Variants in TAF8 observed in about 807,000 individuals in gnomAD.
TAF8 encodes TATA-box binding protein associated factor 8.
TAF8 carries 47 observed loss-of-function variants against 36.5 expected under a neutral mutation model. The ratio of observed to expected loss-of-function variants is 1.29; its 90% confidence interval spans 1.02 to 1.64. TAF8 has a LOEUF of 1.64. TAF8 is among the 40% of genes most tolerant of loss of function. The probability of loss-of-function intolerance (pLI) is 0.00; values close to 1 mark genes in which losing one functional copy is unlikely to be tolerated. For missense variants in TAF8, 420 were observed against 407.6 expected (o/e 1.03, Z -0.26); for synonymous variants, 175 against 159.5 (o/e 1.10, Z -0.73).
intron 5 of TAF8, among the ~76,000 whole-genome samples, chr6:42,060,434 A>G (rs192852341): frequency 1.3e-5 from 2 of 152,312 alleles, no homozygotes; most frequent in African/African-American, 4.8e-5. Flanking sequence ...GACTTTTTAA[A>G]TTGGCTTTGA....
chr6:42,068,345 G>T, intron 6 of TAF8, 120 bp from the exon 7 acceptor site: 1 of 1,075,350 alleles, frequency 9.3e-7, no homozygotes, highest in Admixed American at 1.9e-5. Flanking sequence ...AGTACTTGGA[G>T]CGAGTTAGCT....
chr6:42,050,805 G>A, intron 1 of TAF8: 2 of 926,650 alleles, frequency 2.2e-6, no homozygotes, highest in Non-Finnish European at 3.0e-6. Flanking sequence ...GCTGTTGGGG[G>A]TTGGGAGCCC....
chr6:42,057,012 A>C (rs977947798), intron 4 of TAF8, among the ~76,000 whole-genome samples: 10 of 152,210 alleles, frequency 6.6e-5, no homozygotes, highest in Admixed American at 5.2e-4. Context: ...TGTTATGATT[A>C]AGCTCACACT....
intron 7 of TAF8, 68 bp from the exon 8 acceptor site, chr6:42,077,032 C>T: frequency 6.6e-7 from 1 of 1,526,202 alleles, no homozygotes; most frequent in Non-Finnish European, 8.8e-7. Flanking sequence ...AATGGTCATT[C>T]CAATTATAGG....
At position 42,051,012 on chromosome 6, in the gene TAF8, A is replaced by G. The variant is rs1027940276; in HGVS notation, c.46-345A>G. ...ATGAAATGGTGTGAAGATGGGAGGC[A>G]CAAGAGAGGGATCCTGTTTTTTCTG... On this transcript the variant is annotated intron_variant, in intron 1 of 8. Transcript: ENST00000372977. The G allele has an allele frequency of 5.5e-6, 6 of 1,084,040 alleles. No homozygotes were observed. The African/African-American group carries it at 9.9e-5, about 18-fold the overall frequency. 67.2% of individuals were successfully genotyped at this position (1,084,040 alleles called of 1,614,324 possible).
intron 5 of TAF8, among the ~76,000 whole-genome samples, chr6:42,062,699 G>A (rs1424076478): frequency 1.3e-5 from 2 of 151,244 alleles, no homozygotes; most frequent in African/African-American, 4.9e-5. Flanking sequence ...CACCAAGCCT[G>A]GCTAATTTTT....
At position 42,077,544 on chromosome 6, in the gene TAF8, G is replaced by C; in HGVS notation, c.932G>C (p.Ter311SerextTer28). 6.2e-7 allele frequency: 1 copy of C among 1,612,972 alleles called. No individual in the cohort carries two copies. The highest frequency in any genetic ancestry group is 1.3e-5 in the African/African-American group (1 of 75,010). The change falls in exon 9 of 9, where the codon TGA becomes TCA. Residue 311 changes from the stop codon to serine (S), a stop_lost. Coordinates refer to ENST00000372977, the MANE Select transcript of TAF8 (RefSeq NM_138572.3). ...PKIRRKKSLS[*>S] is the part of the protein sequence containing the mutation. ...CCTCTTCTTTCTAGGTCCCTCTCCT[G>C]AGCTGAGAAGGAAACCTGGCTTGTA... is the stretch of plus-strand genomic sequence containing the variant.
In TAF8 at chr6:42,080,833, T is replaced by C. The variant is rs1056796752; in HGVS notation, c.*3288T>C. The C allele has an allele frequency of 4.1e-6, 4 of 978,786 alleles. No homozygotes were observed. Among genetic ancestry groups the C allele is most frequent in the Non-Finnish European group, 4.9e-6 (4 of 824,000 alleles). 60.6% of individuals were successfully genotyped at this position (978,786 alleles called of 1,614,324 possible). ...TATGGGACTTCTTAGAGGCCAAAAG[T>C]AGTAAACATGCAGATTAAAAATGTT... On this transcript the variant is annotated 3_prime_UTR_variant, in exon 9 of 9. Coordinates refer to ENST00000372977, the MANE Select transcript of TAF8 (RefSeq NM_138572.3).
downstream of TAF8, among the ~76,000 whole-genome samples, chr6:42,085,623 GA>G (rs1766014162): frequency 6.6e-6 from 1 of 151,978 alleles, no homozygotes; most frequent in South Asian, 2.1e-4. Flanking sequence ...AGGAGTTTGA[GA>G]TCAGCCTGAG....
intron 6 of TAF8, among the ~76,000 whole-genome samples, chr6:42,067,171 T>G (rs1478810175): frequency 6.6e-6 from 1 of 152,172 alleles, no homozygotes; most frequent in African/African-American, 2.4e-5. Flanking sequence ...CAAACCTAGC[T>G]CTTACTGCAG....
In TAF8 at chr6:42,068,609, T is replaced by C; in HGVS notation, c.780+2T>C. The C allele has an allele frequency of 6.2e-7, 1 of 1,612,414 alleles. No homozygotes were observed. ...AACCTTGCTCTTCATATCAGCATGG[T>C]GGGTTCCACCTTCTGCCTACCTCAG... On this transcript the variant is annotated splice_donor_variant, in intron 7 of 8. Coordinates refer to ENST00000372977, the MANE Select transcript of TAF8 (RefSeq NM_138572.3). LOFTEE classifies it high-confidence loss of function.
Position 42,080,175 on chromosome 6 carries a change from G to A in TAF8, c.*2630G>A. The A allele has an allele frequency of 2.0e-6, 2 of 985,344 alleles. No homozygotes were observed. The highest frequency in any genetic ancestry group is 2.4e-6 in the Non-Finnish European group (2 of 829,946). 61.0% of individuals were successfully genotyped at this position (985,344 alleles called of 1,614,324 possible). On this transcript the variant is annotated 3_prime_UTR_variant, in exon 9 of 9. Coordinates refer to ENST00000372977, the MANE Select transcript of TAF8 (RefSeq NM_138572.3). ...TTTATGAACACAGCCCCACATTCAA[G>A]CCGTGGCCAATCCCAGCTGTTCTCA...
chr6:42,069,901 CT>C (rs1765506527), intron 7 of TAF8, among the ~76,000 whole-genome samples: 6 of 152,192 alleles, frequency 3.9e-5, no homozygotes, highest in Admixed American at 3.3e-4. Flanking sequence ...TGGAAGAGGG[CT>C]GTGTCCTGGA....
rs1307580051 is a variant in TAF8 at position 42,057,371 on chromosome 6, G to T, written c.365-18G>T. The T allele has an allele frequency of 3.7e-6, 6 of 1,614,004 alleles. No homozygotes were observed. Among genetic ancestry groups the T allele is most frequent in the Non-Finnish European group, 5.1e-6 (6 of 1,179,996 alleles). On this transcript the variant is annotated intron_variant, in intron 4 of 8. Transcript: ENST00000372977. ...AGGGTCTTGGGTGGAGGGGTAATCA[G>T]TTGTGACTCTGTTGCAGCTCCGGTG...
intron 7 of TAF8, among the ~76,000 whole-genome samples, chr6:42,076,334 C>A (rs532630178): frequency 1.3e-5 from 2 of 152,228 alleles, no homozygotes; most frequent in East Asian, 3.9e-4. Context: ...CCTGAAATCC[C>A]AGCTACTTGG....
rs1312185819 is a variant in TAF8, at chr6:42,079,729, T to G, written c.*2184T>G. ...ACATCTGGCTAATTTTTTTTTTTTTTTTTTAGTAGACACGGGATTTTGCTA... is the reference window on the plus strand; with the variant it reads ...ACATCTGGCTAATTTTTTTTTTTTTGTTTTAGTAGACACGGGATTTTGCTA... On this transcript the variant is annotated 3_prime_UTR_variant, in exon 9 of 9. Coordinates refer to ENST00000372977, the MANE Select transcript of TAF8 (RefSeq NM_138572.3). 2 of 694,090 alleles carry G rather than the reference T, an allele frequency of 2.9e-6. No homozygotes were observed. Among genetic ancestry groups the G allele is most frequent in the Non-Finnish European group, 3.5e-6 (2 of 564,700 alleles). The allele number at this position is 694,090 out of a possible 1,614,324, so 43.0% of individuals were successfully genotyped here. A position where few individuals can be genotyped will look rare whatever the true frequency, so the allele number is the denominator to read the frequency against.
chr6:42,053,392 T>C (rs753704774), intron 2 of TAF8, among the ~76,000 whole-genome samples: 1 of 151,928 alleles, frequency 6.6e-6, no homozygotes, highest in Non-Finnish European at 1.5e-5. Flanking sequence ...ACTGAAACCC[T>C]GTCTCTACTA....
chr6:42,066,304 C>G lies in TAF8; in HGVS notation c.490-8C>G. 6.2e-7 allele frequency: 1 copy of G among 1,613,520 alleles called. No homozygotes were observed. The highest frequency in any genetic ancestry group is 8.5e-7 in the Non-Finnish European group (1 of 1,180,006). On this transcript the variant is annotated splice_polypyrimidine_tract_variant and splice_region_variant and intron_variant, in intron 5 of 8. Transcript: ENST00000372977. Reference sequence around the variant, plus strand: ...ATCACCCCAGTGTCTTTGCTGCTCTCTTCGTAGACGTACCGTGAGCCCGTG... The same window carrying G: ...ATCACCCCAGTGTCTTTGCTGCTCTGTTCGTAGACGTACCGTGAGCCCGTG...
At position 42,077,721 on chromosome 6, in the gene TAF8, G is replaced by A. The variant is rs1765803439; in HGVS notation, c.*176G>A. The A allele has an allele frequency of 6.8e-7, 1 of 1,461,422 alleles. No homozygotes were observed. The highest frequency in any genetic ancestry group is 1.4e-5 in the African/African-American group (1 of 69,986). 90.5% of individuals were successfully genotyped at this position (1,461,422 alleles called of 1,614,324 possible). A position where few individuals can be genotyped will look rare whatever the true frequency, so the allele number is the denominator to read the frequency against. ...TTAAGATGACCTATTTTCACTGGAT[G>A]TTTGGGTTGAGGAAGATATGAACAG... On this transcript the variant is annotated 3_prime_UTR_variant, in exon 9 of 9. Coordinates refer to ENST00000372977, the MANE Select transcript of TAF8 (RefSeq NM_138572.3).
Sources: gnomAD v4.1 joint callset for allele counts (sites outside exome capture counted in the v4.1 genomes callset) on GRCh38, gnomAD v4.1.1 for gene constraint, MANE v1.5 for transcripts, NCBI Gene and HGNC (gene_info 2026-07-23, HGNC 2026-07-21) for gene names.